ATAD3B: variants seen among roughly 807,000 people sequenced by gnomAD.
ATAD3B encodes the protein ATPase family AAA domain-containing protein 3B.
ATAD3B carries 59 observed loss-of-function variants against 70.2 expected under a neutral mutation model. The observed-to-expected ratio is 0.84, with a 90% CI of 0.68 to 1.04. The LOEUF is 1.04. Ranked by LOEUF, ATAD3B falls within the 50% of genes least tolerant of loss-of-function variation. The probability of loss-of-function intolerance (pLI) is 0.00; values close to 1 mark genes in which losing one functional copy is unlikely to be tolerated. For missense variants in ATAD3B, 961 were observed against 913.4 expected (o/e 1.05, Z -0.67); for synonymous variants, 423 against 388.6 (o/e 1.09, Z -1.04).
chr1:1,494,056 A>G (rs1640659912), intron 15 of ATAD3B, among the ~76,000 whole-genome samples: 2 of 152,028 alleles, frequency 1.3e-5, no homozygotes, highest in Admixed American at 6.6e-5. Context: ...TTGACCTTTT[A>G]TAGCTTGAAG....
At position 1,477,230 on chromosome 1, in the gene ATAD3B, T is replaced by TC. The variant is rs759922197; in HGVS notation, c.206-42dup. The TC allele has an allele frequency of 6.2e-6, 10 of 1,607,256 alleles. 1 individual carries two copies. The South Asian group carries it at 7.7e-5, about 12-fold the overall frequency. On this transcript the variant is annotated intron_variant, in intron 1 of 15. Transcript: ENST00000673477. Reference sequence around the variant, plus strand: ...TCACCATGTTGGCCAGGCTTTGGTATCCGTGTATCCTACACCTGCTCTCCG... The same window carrying TC: ...TCACCATGTTGGCCAGGCTTTGGTATCCCGTGTATCCTACACCTGCTCTCCG...
chr1:1,505,998 C>T, the ATAD3B span, among the ~76,000 whole-genome samples: 2 of 152,136 alleles, frequency 1.3e-5, no homozygotes, highest in African/African-American at 4.8e-5. Context: ...TTTGGGATGC[C>T]AAGGTGGGTG....
intron 10 of ATAD3B, 149 bp downstream of exon 10, chr1:1,486,384 A>G: frequency 1.9e-6 from 3 of 1,576,306 alleles, no homozygotes; most frequent in Middle Eastern, 3.9e-4. Flanking sequence ...TGTGGGCAGC[A>G]GCGCCTCCCA....
intron 6 of ATAD3B, 104 bp downstream of exon 6, chr1:1,482,407 C>G (rs1019818636): frequency 6.3e-7 from 1 of 1,583,192 alleles, no homozygotes; most frequent in South Asian, 1.2e-5. Flanking sequence ...CCGCCATAGG[C>G]TGACTCCTTG....
Position 1,479,033 on chromosome 1 carries a change from C to T in ATAD3B, c.385-16C>T. The T allele has an allele frequency of 8.7e-7, 1 of 1,149,930 alleles. No homozygotes were observed. The highest frequency in any genetic ancestry group is 1.2e-6 in the Non-Finnish European group (1 of 827,290). 71.2% of individuals were successfully genotyped at this position (1,149,930 alleles called of 1,614,324 possible). A position where few individuals can be genotyped will look rare whatever the true frequency, so the allele number is the denominator to read the frequency against. ...TCCCGGCTGAGATGTGTCTTTGCCG[C>T]CCTCTTCTCCCCCAGAGGGCCCAGT... On this transcript the variant is annotated splice_polypyrimidine_tract_variant and intron_variant, in intron 3 of 15. Coordinates refer to ENST00000673477, the MANE Select transcript of ATAD3B (RefSeq NM_031921.6).
the ATAD3B span, among the ~76,000 whole-genome samples, chr1:1,504,265 C>T: frequency 5.3e-5 from 8 of 151,974 alleles, no homozygotes; most frequent in Admixed American, 6.6e-5. Flanking sequence ...AGATTACAGG[C>T]GTGAGCCACA....
At chr1:1,500,612 T>C (rs1051340159), downstream of ATAD3B, among the ~76,000 whole-genome samples, 9 of 150,434 alleles carry the variant, frequency 6.0e-5, no homozygotes, top group Non-Finnish European at 1.2e-4. Flanking sequence ...CTAATATATA[T>C]ATATATGTAT....
chr1:1,508,351 A>G, the ATAD3B span, among the ~76,000 whole-genome samples: 2 of 151,192 alleles, frequency 1.3e-5, no homozygotes, highest in African/African-American at 2.5e-5. Context: ...GGCAGGTTCT[A>G]TCGTGGCGAC....
intron 4 of ATAD3B, among the ~76,000 whole-genome samples, chr1:1,480,092 C>T (rs1639827900): frequency 6.8e-6 from 1 of 146,742 alleles, no homozygotes; most frequent in Non-Finnish European, 1.5e-5. Flanking sequence ...CACACGCGCA[C>T]ACCGCCGCAA....
intron 7 of ATAD3B, chr1:1,484,806 T>A (rs1305900158): frequency 3.7e-6 from 5 of 1,338,286 alleles, no homozygotes; most frequent in Middle Eastern, 2.7e-4. Flanking sequence ...AAAATGGCCC[T>A]GAGTGAGGGC....
chr1:1,505,635 C>T, the ATAD3B span, among the ~76,000 whole-genome samples: 2 of 152,282 alleles, frequency 1.3e-5, no homozygotes, highest in Middle Eastern at 3.4e-3. Context: ...GGCGTTACTG[C>T]TAGACCAAGG....
In ATAD3B at chr1:1,495,580, C is replaced by A; in HGVS notation, c.1710C>A (p.Arg570=). The change falls in exon 16 of 16, where the codon CGC becomes CGA. Residue 570 remains arginine (R), a synonymous_variant. Transcript: ENST00000673477. ...DAVQQYRQKM[R]WLKAEGPGRG... is the part of the protein sequence containing the mutation. Reference sequence around the variant, plus strand: ...TCCAGCAGTACCGACAGAAGATGCGCTGGCTGAAGGCGGAGGGGCCTGGGC... The same window carrying A: ...TCCAGCAGTACCGACAGAAGATGCGATGGCTGAAGGCGGAGGGGCCTGGGC... 1.2e-6 allele frequency: 2 copies of A among 1,613,292 alleles called. No homozygotes were observed. Among genetic ancestry groups the A allele is most frequent in the South Asian group, 2.2e-5 (2 of 91,028 alleles).
chr1:1,495,713 A>T lies in ATAD3B; in HGVS notation c.1843A>T (p.Ile615Leu), dbSNP rs536016095. The change falls in exon 16 of 16, where the codon ATA (isoleucine) becomes TTA (leucine). Residue 615 changes from isoleucine to leucine, a missense_variant. Ile to Leu is a conservative substitution (Grantham distance 5). This residue lies in a region of ATAD3B where 417 missense variants were observed against 335.0 expected (regional missense o/e 1.24). Transcript: ENST00000673477. ...CCTTGCCGGCCCCTGCACATTTAGG[A>T]TATGCTCCTGGATGGGGACTGGGCT... The part of the protein sequence containing the change: ...PCLAGPCTFR[I>L]CSWMGTGLCP... 35 of 1,613,114 alleles carry T rather than the reference A, an allele frequency of 2.2e-5. No individual in the cohort carries two copies. The South Asian group carries it at 3.8e-4, about 18-fold the overall frequency.
intron 2 of ATAD3B, chr1:1,478,284 A>G: frequency 2.3e-6 from 2 of 852,308 alleles, no homozygotes; most frequent in East Asian, 2.8e-5. Context: ...GGCAAGAGCG[A>G]TGGCGCCCGG....
downstream of ATAD3B, among the ~76,000 whole-genome samples, chr1:1,499,871 G>T (rs1446586660): frequency 6.6e-6 from 1 of 151,370 alleles, no homozygotes; most frequent in Non-Finnish European, 1.5e-5. Flanking sequence ...CGGGATTACA[G>T]GCGTGAGCCA....
rs756818386 is a variant in ATAD3B, at chr1:1,482,311, C to G, written c.680+8C>G. Reference sequence around the variant, plus strand: ...CGTCTTGGAGTCCATCAGGTGAGCACTGCCCAGGCCCGGGCCGGCCACAGA... The same window carrying G: ...CGTCTTGGAGTCCATCAGGTGAGCAGTGCCCAGGCCCGGGCCGGCCACAGA... On this transcript the variant is annotated splice_region_variant and intron_variant, in intron 6 of 15. Coordinates refer to ENST00000673477, the MANE Select transcript of ATAD3B (RefSeq NM_031921.6). The G allele has an allele frequency of 1.3e-6, 2 of 1,571,670 alleles. No homozygotes were observed. The highest frequency in any genetic ancestry group is 1.7e-6 in the Non-Finnish European group (2 of 1,168,060).
chr1:1,478,228 C>T (rs1168559136), intron 2 of ATAD3B: 4 of 489,438 alleles, frequency 8.2e-6, no homozygotes, highest in African/African-American at 3.9e-5. Flanking sequence ...AACTCCTGAC[C>T]TCAGGTGATC....
At position 1,496,796 on chromosome 1, in the gene ATAD3B, G is replaced by C. The variant is rs891339262; in HGVS notation, c.*979G>C. 4 of 148,396 alleles carry C rather than the reference G, an allele frequency of 2.7e-5. No homozygotes were observed. The highest frequency in any genetic ancestry group is 1.0e-4 in the African/African-American group (4 of 39,170). The allele number at this position is 148,396 out of a possible 1,614,324, so 9.2% of individuals were successfully genotyped here. ...GTCCCCGCTGGCCCAGGCTTCCGGAGGCAGCTGCGTCCCTGTCTTGGCTCA... is the reference window on the plus strand; with the variant it reads ...GTCCCCGCTGGCCCAGGCTTCCGGACGCAGCTGCGTCCCTGTCTTGGCTCA... On this transcript the variant is annotated 3_prime_UTR_variant, in exon 16 of 16. Coordinates refer to ENST00000673477, the MANE Select transcript of ATAD3B (RefSeq NM_031921.6).
intron 12 of ATAD3B, among the ~76,000 whole-genome samples, chr1:1,488,350 C>G (rs1164834750): frequency 2.0e-5 from 3 of 151,988 alleles, no homozygotes; most frequent in African/African-American, 7.2e-5. Context: ...CTCAGCCTCC[C>G]GAGAAGCTGG....
Sources: allele counts gnomAD v4.1 joint callset (sites outside exome capture counted in the v4.1 genomes callset), GRCh38; gene constraint gnomAD v4.1.1; regional missense constraint gnomAD v4.1.1; transcripts MANE v1.5; gene names NCBI Gene and HGNC (gene_info 2026-07-23, HGNC 2026-07-21).